Variants in DEPTOR observed in about 807,000 individuals in gnomAD.
DEPTOR encodes DEP domain-containing mTOR-interacting protein.
A neutral mutation model predicts 41.6 loss-of-function variants in DEPTOR; 41 were observed. The observed-to-expected ratio is 0.98, with a 90% CI of 0.77 to 1.28. DEPTOR has a LOEUF of 1.28. Among genes scored for constraint, DEPTOR ranks in the 50% most tolerant of loss-of-function variants. The pLI, the probability that DEPTOR is intolerant of heterozygous loss-of-function variation, is 0.00. For missense variants in DEPTOR, 514 were observed against 527.9 expected, an observed-to-expected ratio of 0.97 and a Z score of 0.26; for synonymous variants, 195 against 192.3, an observed-to-expected ratio of 1.01 and a Z score of -0.12.
At chr8:119,930,120 C>A (rs934940040) in intron 3 of DEPTOR, among the ~76,000 whole-genome samples, 182 bp downstream of exon 3, 1 of 152,198 alleles carries the variant, frequency 6.6e-6, no homozygotes, top group Non-Finnish European at 1.5e-5. Flanking sequence ...AAGTCAATTT[C>A]ATAAGGTTCT....
intron 1 of DEPTOR, among the ~76,000 whole-genome samples, chr8:119,897,133 G>A (rs1468423255): frequency 4.6e-5 from 7 of 152,118 alleles, no homozygotes; most frequent in African/African-American, 1.4e-4. Flanking sequence ...TTAGGTTCTC[G>A]AAGAGTTTCT....
rs1309188533 is a variant in DEPTOR at position 119,928,413 on chromosome 8, G to A, written c.136G>A (p.Glu46Lys). 28 of 1,611,792 alleles carry A rather than the reference G, an allele frequency of 1.7e-5. No homozygotes were observed. The highest frequency in any genetic ancestry group is 2.7e-5 in the African/African-American group (2 of 74,790). ...TGEQLRLRLHEEKVIKDRRHH... is the reference protein window; with the variant it reads ...TGEQLRLRLHKEKVIKDRRHH... ...TTTTTCTTTCAGGCTCAGGCTGCAC[G>A]AAGAAAAGGTTATTAAAGATAGACG... is the stretch of plus-strand genomic sequence containing the variant. The change falls in exon 2 of 9, where the codon GAA becomes AAA. Residue 46 changes from glutamate (E) to lysine (K), a missense_variant. Physicochemically the swap from Glu to Lys is moderately conservative, Grantham distance 56 (BLOSUM62 1). Coordinates refer to ENST00000286234, the MANE Select transcript of DEPTOR (RefSeq NM_022783.4).
intron 8 of DEPTOR, among the ~76,000 whole-genome samples, chr8:120,043,508 C>T (rs1211792549): frequency 1.3e-5 from 2 of 152,038 alleles, no homozygotes; most frequent in African/African-American, 4.8e-5. Flanking sequence ...TTGAGTGGCC[C>T]TAGGGACTGT....
chr8:119,873,855 G>T lies in DEPTOR; in HGVS notation c.9G>T (p.Glu3Asp). 2 of 1,613,276 alleles carry T rather than the reference G, an allele frequency of 1.2e-6. No individual in the cohort carries two copies. The highest frequency in any genetic ancestry group is 1.7e-6 in the Non-Finnish European group (2 of 1,179,674). The change falls in exon 1 of 9, where the codon GAG becomes GAT. Residue 3 changes from glutamate to aspartate, a missense_variant. Coordinates refer to ENST00000286234, the MANE Select transcript of DEPTOR (RefSeq NM_022783.4). Reference sequence around the variant, plus strand: ...CGCACGGCCCTAAAACCATGGAGGAGGGCGGCAGCACTGGCAGTGCTGGCA... The same window carrying T: ...CGCACGGCCCTAAAACCATGGAGGATGGCGGCAGCACTGGCAGTGCTGGCA... ME[E>D]GGSTGSAGSD...
At chr8:120,044,640 A>G (rs908490081) in intron 8 of DEPTOR, among the ~76,000 whole-genome samples, 9 of 152,224 alleles carry the variant, frequency 5.9e-5, no homozygotes, top group Admixed American at 5.2e-4. Context: ...AGCAGAGGAA[A>G]GGTGATACCT....
At chr8:119,972,115 G>A (rs1045579175) in intron 4 of DEPTOR, among the ~76,000 whole-genome samples, 1 of 152,198 alleles carries the variant, frequency 6.6e-6, no homozygotes, top group Non-Finnish European at 1.5e-5. Flanking sequence ...GGAGAATTAA[G>A]TGATTGCACT....
At chr8:120,009,470 G>A (rs1259671787) in intron 8 of DEPTOR, among the ~76,000 whole-genome samples, 4 of 151,966 alleles carry the variant, frequency 2.6e-5, no homozygotes, top group Admixed American at 2.0e-4. Context: ...AAAATTAGCC[G>A]GGCGTGGTGG....
chr8:119,940,054 C>T (rs771889561), intron 3 of DEPTOR, among the ~76,000 whole-genome samples: 7 of 151,790 alleles, frequency 4.6e-5, no homozygotes, highest in African/African-American at 1.7e-4. Context: ...TCTGTCCCTA[C>T]TAAAAATTCA....
At chr8:120,036,550 A>G (rs931224862) in intron 8 of DEPTOR, among the ~76,000 whole-genome samples, 1 of 151,940 alleles carries the variant, frequency 6.6e-6, no homozygotes, top group African/African-American at 2.4e-5. Flanking sequence ...CTTTTCTTCT[A>G]CTTTTTTTTT....
intron 2 of DEPTOR, among the ~76,000 whole-genome samples, chr8:119,929,391 A>G (rs1461710940): frequency 6.6e-6 from 1 of 152,016 alleles, no homozygotes; most frequent in African/African-American, 2.4e-5. Context: ...TTGGGCTCCC[A>G]TTGCACTCTC....
At chr8:119,959,158 CTTTTT>C (rs60202859) in intron 3 of DEPTOR, among the ~76,000 whole-genome samples, 8 of 114,870 alleles carry the variant, frequency 7.0e-5, no homozygotes, top group African/African-American at 1.7e-4. Context: ...TTCTTTCTTT[CTTTTT>C]TTTTTTTTTT....
intron 3 of DEPTOR, among the ~76,000 whole-genome samples, chr8:119,935,626 C>A (rs150634376): frequency 0.012 from 1,804 of 151,246 alleles, 36 homozygotes; most frequent in African/African-American, 0.041. Flanking sequence ...GAGGCTGAGA[C>A]AGAAAAATTG....
intron 1 of DEPTOR, among the ~76,000 whole-genome samples, chr8:119,881,315 A>T (rs1440352050): frequency 2.6e-5 from 4 of 152,166 alleles, no homozygotes; most frequent in African/African-American, 4.8e-5. Context: ...TGAGGTCAGA[A>T]GTTCCAGACC....
chr8:119,918,748 C>T (rs1205082958), intron 1 of DEPTOR, among the ~76,000 whole-genome samples: 2 of 152,070 alleles, frequency 1.3e-5, no homozygotes, highest in South Asian at 2.1e-4. Flanking sequence ...CGTGTGCCAC[C>T]GCGCCCAGCC....
chr8:119,932,667 AC>A (rs1264520709), intron 3 of DEPTOR, among the ~76,000 whole-genome samples: 2 of 152,222 alleles, frequency 1.3e-5, no homozygotes, highest in Non-Finnish European at 2.9e-5. Context: ...ATGAGCTTGC[AC>A]TTCAGTTGAA....
intron 4 of DEPTOR, among the ~76,000 whole-genome samples, chr8:119,978,738 C>T (rs959832041): frequency 6.6e-6 from 1 of 152,172 alleles, no homozygotes; most frequent in Non-Finnish European, 1.5e-5. Context: ...AATGATTACT[C>T]TCAGCTGTTT....
At chr8:119,890,513 G>A in intron 1 of DEPTOR, among the ~76,000 whole-genome samples, 1 of 152,210 alleles carries the variant, frequency 6.6e-6, no homozygotes, top group South Asian at 2.1e-4. Context: ...ATGTTGGCCA[G>A]GCTGGTCTTG....
chr8:119,960,094 C>G (rs940853012), intron 3 of DEPTOR, among the ~76,000 whole-genome samples: 4 of 151,798 alleles, frequency 2.6e-5, no homozygotes, highest in Non-Finnish European at 5.9e-5. Context: ...CATGGTGGCA[C>G]ACGCCTGTAA....
At chr8:119,989,636 T>C (rs1445492897) in intron 4 of DEPTOR, among the ~76,000 whole-genome samples, 6 of 152,246 alleles carry the variant, frequency 3.9e-5, no homozygotes, top group Admixed American at 3.3e-4. Flanking sequence ...ATAATAACTC[T>C]CTCATAGTAC....
Sources: allele counts gnomAD v4.1 joint callset (sites outside exome capture counted in the v4.1 genomes callset), GRCh38; gene constraint gnomAD v4.1.1; transcripts MANE v1.5; gene names NCBI Gene and HGNC (gene_info 2026-07-23, HGNC 2026-07-21).